Variants in PRKN observed in about 807,000 individuals in gnomAD.
PRKN encodes E3 ubiquitin-protein ligase parkin.
Under a neutral mutation model 59.5 loss-of-function variants are expected in PRKN, and 56 were observed. The ratio of observed to expected loss-of-function variants is 0.94; its 90% CI spans 0.76 to 1.18. The LOEUF is 1.18. Among genes scored for constraint, PRKN ranks in the 50% most tolerant of loss-of-function variants. The pLI is 0.00. For synonymous variants in PRKN, 250 were observed against 222.1 expected (o/e 1.13, Z -1.12); for missense variants, 657 against 596.4 (o/e 1.10, Z -1.06).
intron 4 of PRKN, among the ~76,000 whole-genome samples, chr6:162,075,228 T>C (rs962488950): frequency 6.6e-6 from 1 of 152,216 alleles, no homozygotes; most frequent in African/African-American, 2.4e-5. Context: ...TTTATCATCA[T>C]ATAAAGATTC....
At position 161,711,003 on chromosome 6, in the gene PRKN, C is replaced by T. The variant is rs372254246; in HGVS notation, c.871+74769G>A. On this transcript the variant is annotated intron_variant, in intron 7 of 11. Coordinates refer to ENST00000366898, the MANE Select transcript of PRKN (RefSeq NM_004562.3). ...CTTTTCCCCTTTCCTTCCTTTCTTC[C>T]ATTTGATTGTAGACATGGAGAAAGG... Among the ~76,000 whole-genome samples, 6 of 150,646 alleles carry T rather than the reference C, an allele frequency of 4.0e-5. No homozygotes were observed. The East Asian group carries it at 1.2e-3, about 30-fold the overall frequency.
rs1786596845 is a variant in PRKN, at chr6:161,393,219, T to C, written c.1084-6342A>G. Among the ~76,000 whole-genome samples, 1 of 152,012 alleles carries C rather than the reference T, an allele frequency of 6.6e-6. No individual in the cohort carries two copies. The highest frequency in any genetic ancestry group is 1.5e-5 in the Non-Finnish European group (1 of 67,972). On this transcript the variant is annotated intron_variant, in intron 9 of 11. Coordinates refer to ENST00000366898, the MANE Select transcript of PRKN (RefSeq NM_004562.3). This position sits in a 1 kb window ranked among gnomAD's most constrained non-coding sequence, Gnocchi z 4.7. ...TAGTTTTCTCCATGGGGCTATGATG[T>C]TTAACAAGTGGTAAGAGTCTGTAGA...
chr6:162,133,944 G>C (rs1781472133), intron 4 of PRKN, among the ~76,000 whole-genome samples: 1 of 152,096 alleles, frequency 6.6e-6, no homozygotes, highest in African/African-American at 2.4e-5. Context: ...AGTAGAAAAA[G>C]AAAGAGAGAA....
intron 5 of PRKN, among the ~76,000 whole-genome samples, chr6:162,026,605 CT>C (rs1400844944): frequency 3.3e-5 from 5 of 152,118 alleles, no homozygotes; most frequent in Non-Finnish European, 7.3e-5. Context: ...TAGAAAAATG[CT>C]TTTAGTAGGG....
rs2115159644 is a variant in PRKN, at chr6:161,460,020, A to C, written c.1084-73143T>G. On this transcript the variant is annotated intron_variant, in intron 9 of 11. Coordinates refer to ENST00000366898, the MANE Select transcript of PRKN (RefSeq NM_004562.3). The surrounding 1 kb of genome is among the most constrained non-coding windows in gnomAD (Gnocchi z 5.0). ...AATTCAACTATCCATCCATCAGTCC[A>C]TCCATCCATCCATTCATCCAACCAT... Among the ~76,000 whole-genome samples, 1 of 152,318 alleles carries C rather than the reference A, an allele frequency of 6.6e-6. No homozygotes were observed. The highest frequency in any genetic ancestry group is 1.9e-4 in the East Asian group (1 of 5,180).
At chr6:161,766,959 T>C (rs1429888815) in intron 7 of PRKN, among the ~76,000 whole-genome samples, 2 of 152,134 alleles carry the variant, frequency 1.3e-5, no homozygotes, top group African/African-American at 4.8e-5. Flanking sequence ...AGGAGATTAT[T>C]AGTATCAACC....
Position 161,372,790 on chromosome 6 carries a change from A to G in PRKN, c.1168-12585T>C, listed in dbSNP as rs975455420. ...GAGAACTACTGCTCGCAGAAGGTCT[A>G]CATACACTGTGGTCAACAAAGACAG... On this transcript the variant is annotated intron_variant, in intron 10 of 11. Coordinates refer to ENST00000366898, the MANE Select transcript of PRKN (RefSeq NM_004562.3). The surrounding 1 kb of genome is among the most constrained non-coding windows in gnomAD (Gnocchi z 4.2). Among the ~76,000 whole-genome samples, 1 of 151,668 alleles carries G rather than the reference A, an allele frequency of 6.6e-6. No individual in the cohort carries two copies. The highest frequency in any genetic ancestry group is 1.5e-5 in the Non-Finnish European group (1 of 67,986).
rs1582987506 is a variant in PRKN, at chr6:161,373,617, C to T, written c.1167+13177G>A. Among the ~76,000 whole-genome samples, 1 of 143,754 alleles carries T rather than the reference C, an allele frequency of 7.0e-6. No homozygotes were observed. The highest frequency in any genetic ancestry group is 6.9e-5 in the Admixed American group (1 of 14,454). 94.3% of individuals were successfully genotyped at this position (143,754 alleles called of 152,430 possible). On this transcript the variant is annotated intron_variant, in intron 10 of 11. Coordinates refer to ENST00000366898, the MANE Select transcript of PRKN (RefSeq NM_004562.3). This position sits in a 1 kb window ranked among gnomAD's most constrained non-coding sequence, Gnocchi z 4.8. ...TTTGCAGGGGTGATGAGTTAAATGG[C>T]CATGCCTCTGTGCTTGCAGGGGTGA...
chr6:161,694,547 T>C (rs114529875), intron 7 of PRKN, among the ~76,000 whole-genome samples: 195 of 152,242 alleles, frequency 1.3e-3, no homozygotes, highest in Middle Eastern at 6.8e-3. Flanking sequence ...TAGAAAAGGA[T>C]GGAATTTCCC....
chr6:161,980,330 AAAGT>A (rs1192655655), intron 5 of PRKN, among the ~76,000 whole-genome samples: 6 of 152,352 alleles, frequency 3.9e-5, no homozygotes, highest in African/African-American at 1.2e-4. Flanking sequence ...TTCTCTTGAT[AAAGT>A]AATGGGGACA....
At chr6:161,607,594 C>A (rs948517661) in intron 7 of PRKN, among the ~76,000 whole-genome samples, 1 of 152,034 alleles carries the variant, frequency 6.6e-6, no homozygotes. Context: ...TTGGAGAAAT[C>A]TCTTTGAAAG....
chr6:161,875,938 C>G (rs930762579), intron 6 of PRKN, among the ~76,000 whole-genome samples: 23 of 152,068 alleles, frequency 1.5e-4, no homozygotes, highest in Admixed American at 2.6e-4. Context: ...TTGACCTTCA[C>G]TCAACACTGT....
intron 5 of PRKN, among the ~76,000 whole-genome samples, chr6:162,023,871 G>A (rs1783312894): frequency 6.6e-6 from 1 of 152,082 alleles, no homozygotes; most frequent in Non-Finnish European, 1.5e-5. Flanking sequence ...TCCTGTATTA[G>A]CATCATGCTG....
rs1415902228 is a variant in PRKN at position 161,757,933 on chromosome 6, G to GTATATATATATATATA, written c.871+27838_871+27839insTATATATATATATATA. On this transcript the variant is annotated intron_variant, in intron 7 of 11. Coordinates refer to ENST00000366898, the MANE Select transcript of PRKN (RefSeq NM_004562.3). ...CACACACACACACATCTCTCTCTCT[G>GTATATATATATATATA]TATATATATGTATATATATATACAG... 7.2e-4 allele frequency among the ~76,000 whole-genome samples: 73 copies of GTATATATATATATATA among 101,422 alleles called. 1 individual carries two copies. The highest frequency in any genetic ancestry group is 2.4e-3 in the African/African-American group (63 of 26,446). The allele number at this position is 101,422 out of a possible 152,430, so 66.5% of individuals were successfully genotyped here.
chr6:161,801,159 C>A (rs1439677217), intron 6 of PRKN, among the ~76,000 whole-genome samples: 2 of 152,212 alleles, frequency 1.3e-5, no homozygotes, highest in African/African-American at 4.8e-5. Flanking sequence ...GGAGCAGGCA[C>A]CAGAGCCAGC....
At chr6:161,612,098 T>C (rs1012917197) in intron 7 of PRKN, among the ~76,000 whole-genome samples, 1 of 152,190 alleles carries the variant, frequency 6.6e-6, no homozygotes, top group African/African-American at 2.4e-5. Context: ...AGTTTGAAAC[T>C]ATGAGAGGTT....
intron 5 of PRKN, among the ~76,000 whole-genome samples, chr6:162,011,973 GGATA>G (rs956523987): frequency 6.6e-6 from 1 of 152,012 alleles, no homozygotes; most frequent in Non-Finnish European, 1.5e-5. Flanking sequence ...GCTAGCTAGA[GGATA>G]GATATAGACA....
chr6:161,686,890 G>A (rs1187837308), intron 7 of PRKN, among the ~76,000 whole-genome samples: 3 of 152,176 alleles, frequency 2.0e-5, no homozygotes, highest in Admixed American at 6.5e-5. Flanking sequence ...CAGGAACCAC[G>A]CCTGACCTTG....
rs141967378 is a variant in PRKN at position 161,526,295 on chromosome 6, G to A, written c.1083+22559C>T. Among the ~76,000 whole-genome samples, 14 of 152,322 alleles carry A rather than the reference G, an allele frequency of 9.2e-5. No individual in the cohort carries two copies. The East Asian group carries it at 2.7e-3, about 29-fold the overall frequency. On this transcript the variant is annotated intron_variant, in intron 9 of 11. Coordinates refer to ENST00000366898, the MANE Select transcript of PRKN (RefSeq NM_004562.3). This position sits in a 1 kb window ranked among gnomAD's most constrained non-coding sequence, Gnocchi z 4.1. ...CACTCATGTGTTCAGACACATGCAT[G>A]TGCGTGCACACAAACACACCTGTTC...
Sources: allele counts gnomAD v4.1 joint callset (sites outside exome capture counted in the v4.1 genomes callset), GRCh38; gene constraint gnomAD v4.1.1; non-coding constraint Gnocchi (gnomAD v3.1); transcripts MANE v1.5; gene names NCBI Gene and HGNC (gene_info 2026-07-23, HGNC 2026-07-21).